Variants in ARHGAP40 observed in about 807,000 individuals in gnomAD.
The protein encoded by ARHGAP40 is rho GTPase-activating protein 40.
A neutral mutation model predicts 73.5 loss-of-function variants in ARHGAP40; 43 were observed. The ratio of observed to expected loss-of-function variants is 0.58; its 90% confidence interval spans 0.46 to 0.75. ARHGAP40 has a LOEUF of 0.75. Among genes scored for constraint, ARHGAP40 ranks in the 30% least tolerant of loss-of-function variants. The pLI is 0.00. For missense variants in ARHGAP40, 734 were observed against 861.8 expected (o/e 0.85, Z 1.86); for synonymous variants, 300 against 352.8 (o/e 0.85, Z 1.68).
exon 14 of ARHGAP40, chr20:38,648,654 T>G: frequency 7.7e-7 from 1 of 1,305,556 alleles, no homozygotes; most frequent in Non-Finnish European, 1.0e-6. Context: ...CATAGGTCCA[T>G]GGAGTCAGCC....
chr20:38,606,703 A>T (rs541229038), intron 1 of ARHGAP40, among the ~76,000 whole-genome samples: 3 of 152,322 alleles, frequency 2.0e-5, no homozygotes, highest in African/African-American at 7.2e-5. Context: ...GACTTGGCTG[A>T]TTGCACACAG....
chr20:38,623,450 G>A (rs1170586057), exon 2 of ARHGAP40: 12 of 1,290,954 alleles, frequency 9.3e-6, no homozygotes, highest in Non-Finnish European at 1.2e-5. Context: ...TTCCACTGGA[G>A]TGGAGAGCTC....
intron 1 of ARHGAP40, among the ~76,000 whole-genome samples, chr20:38,605,352 T>C (rs1386771462): frequency 1.3e-5 from 2 of 152,184 alleles, no homozygotes; most frequent in Non-Finnish European, 1.5e-5. Context: ...ATAACACTGG[T>C]CACTACCACA....
At chr20:38,626,847 G>C (rs1253344153) in intron 2 of ARHGAP40, 148 bp from the exon 3 acceptor site, 2 of 487,670 alleles carry the variant, frequency 4.1e-6, no homozygotes, top group African/African-American at 4.1e-5. Flanking sequence ...CCCCCGGAGA[G>C]TCTGGTTGGT....
At chr20:38,617,618 T>G (rs560690513) in intron 1 of ARHGAP40, among the ~76,000 whole-genome samples, 1 of 152,320 alleles carries the variant, frequency 6.6e-6, no homozygotes, top group African/African-American at 2.4e-5. Flanking sequence ...AGAAGGGCTT[T>G]GCATTCAGGA....
intron 13 of ARHGAP40, 72 bp downstream of exon 13, chr20:38,647,198 A>C: frequency 1.6e-6 from 2 of 1,224,966 alleles, no homozygotes; most frequent in Non-Finnish European, 2.1e-6. Flanking sequence ...GCTGAAGGCC[A>C]CCAGGGGGTT....
intron 6 of ARHGAP40, 56 bp from the exon 7 acceptor site, chr20:38,637,652 A>G: frequency 8.0e-7 from 1 of 1,251,864 alleles, no homozygotes; most frequent in Non-Finnish European, 1.1e-6. Flanking sequence ...TGTAGGTCGG[A>G]GCCCAGTGAT....
chr20:38,603,630 C>T (rs1030251640), intron 1 of ARHGAP40, among the ~76,000 whole-genome samples: 2 of 152,114 alleles, frequency 1.3e-5, no homozygotes, highest in African/African-American at 4.8e-5. Context: ...TTTTCTATTG[C>T]TGCTATAACA....
At chr20:38,630,916 G>A (rs1205543104) in intron 5 of ARHGAP40, among the ~76,000 whole-genome samples, 3 of 152,094 alleles carry the variant, frequency 2.0e-5, no homozygotes, top group East Asian at 1.9e-4. Context: ...TGATGCAGTC[G>A]ATGCAATCTT....
At chr20:38,637,562 C>T (rs6026964) in intron 6 of ARHGAP40, 146 bp from the exon 7 acceptor site, 4 of 467,626 alleles carry the variant, frequency 8.6e-6, no homozygotes, top group Non-Finnish European at 1.6e-5. Flanking sequence ...TCAAGAGGAG[C>T]GGTTTGGGTC....
chr20:38,641,898 A>G (rs914883759), intron 10 of ARHGAP40, 90 bp downstream of exon 10: 13 of 1,002,288 alleles, frequency 1.3e-5, no homozygotes, highest in Non-Finnish European at 1.7e-5. Flanking sequence ...TCATTCATTC[A>G]TTCAACAACT....
intron 6 of ARHGAP40, 50 bp downstream of exon 6, chr20:38,634,835 G>A: frequency 8.2e-7 from 1 of 1,213,784 alleles, no homozygotes; most frequent in Non-Finnish European, 1.1e-6. Context: ...TCCTCATAGG[G>A]AGCTGAACAC....
chr20:38,641,377 A>G (rs778357841), intron 9 of ARHGAP40, among the ~76,000 whole-genome samples: 1 of 152,064 alleles, frequency 6.6e-6, no homozygotes, highest in Non-Finnish European at 1.5e-5. Flanking sequence ...ATCTGGGCCC[A>G]TTGAGCTCTC....
At chr20:38,641,915 G>T in intron 10 of ARHGAP40, 107 bp downstream of exon 10, 1 of 889,146 alleles carries the variant, frequency 1.1e-6, no homozygotes, top group Non-Finnish European at 1.5e-6. Context: ...AACTCTGCCA[G>T]GTGCTAGGGT....
intron 10 of ARHGAP40, among the ~76,000 whole-genome samples, chr20:38,642,692 T>G (rs2145613884): frequency 6.7e-6 from 1 of 148,952 alleles, no homozygotes; most frequent in Non-Finnish European, 1.5e-5. Context: ...CGTCCATCTA[T>G]TAATCTTTTC....
chr20:38,619,364 G>A (rs1346053441), intron 1 of ARHGAP40, among the ~76,000 whole-genome samples: 5 of 152,100 alleles, frequency 3.3e-5, no homozygotes, highest in African/African-American at 1.2e-4. Flanking sequence ...TGAGGCTGTG[G>A]TCCAGGCGAG....
intron 1 of ARHGAP40, chr20:38,615,263 A>G (rs2088828408): frequency 1.3e-6 from 1 of 769,190 alleles, no homozygotes; most frequent in Non-Finnish European, 2.4e-6. Flanking sequence ...CATCTTCTCC[A>G]ACTTTTCTAT....
At chr20:38,649,841 C>T (rs1361608207) in exon 15 of ARHGAP40, 1 of 1,305,238 alleles carries the variant, frequency 7.7e-7, no homozygotes, top group Admixed American at 2.3e-5. Context: ...AAACAGAACC[C>T]CACCTAAACC....
intron 9 of ARHGAP40, among the ~76,000 whole-genome samples, chr20:38,640,504 G>A (rs2089011931): frequency 6.6e-6 from 1 of 152,152 alleles, no homozygotes; most frequent in African/African-American, 2.4e-5. Context: ...TTACAGGCAT[G>A]AACCATCAGG....
Sources: gnomAD v4.1 joint callset for allele counts (sites outside exome capture counted in the v4.1 genomes callset) on GRCh38, gnomAD v4.1.1 for gene constraint, MANE v1.5 for transcripts, NCBI Gene and HGNC (gene_info 2026-07-23, HGNC 2026-07-21) for gene names.